CPNE4: variants seen among roughly 807,000 people sequenced by gnomAD.
CPNE4 encodes the protein copine 4, also known as copine-4.
A neutral mutation model predicts 67.9 loss-of-function variants in CPNE4; 25 were observed. The observed-to-expected ratio is 0.37, with a 90% CI of 0.27 to 0.51. The LOEUF is 0.51. CPNE4 is among the 20% of genes least tolerant of loss of function. The pLI, the probability that CPNE4 is intolerant of heterozygous loss-of-function variation, is 0.93. For missense variants in CPNE4, 464 were observed against 690.8 expected (o/e 0.67, Z 3.68); for synonymous variants, 242 against 244.9 (o/e 0.99, Z 0.11).
chr3:131,678,935 T>C (rs1170538978), intron 6 of CPNE4, among the ~76,000 whole-genome samples: 1 of 152,204 alleles, frequency 6.6e-6, no homozygotes, highest in African/African-American at 2.4e-5. Context: ...ATCAGGATGA[T>C]GCTGGCCCCA....
intron 1 of CPNE4, among the ~76,000 whole-genome samples, chr3:131,952,336 C>T (rs551691786): frequency 2.6e-5 from 4 of 150,946 alleles, no homozygotes; most frequent in African/African-American, 2.4e-5. Flanking sequence ...GCAACCACCC[C>T]GTCTGAGAAG....
intron 6 of CPNE4, among the ~76,000 whole-genome samples, chr3:131,675,959 GT>G (rs77543552): frequency 1.4e-5 from 2 of 147,370 alleles, no homozygotes; most frequent in Admixed American, 6.8e-5. Context: ...AATTTATTGG[GT>G]TTTTTTTGGT....
intron 2 of CPNE4, among the ~76,000 whole-genome samples, chr3:131,875,492 T>TA (rs1271274838): frequency 6.6e-6 from 1 of 152,116 alleles, no homozygotes; most frequent in Non-Finnish European, 1.5e-5. Flanking sequence ...CATGGAATAC[T>TA]ATGCAGCCAT....
chr3:131,653,445 G>A (rs1238730374), intron 7 of CPNE4, among the ~76,000 whole-genome samples: 1 of 152,050 alleles, frequency 6.6e-6, no homozygotes, highest in African/African-American at 2.4e-5. Flanking sequence ...ACCGCGCCTG[G>A]CCACTGATAC....
In CPNE4 at chr3:131,990,286, T is replaced by C. The variant is rs369369698; in HGVS notation, c.-2+44281A>G. Among the ~76,000 whole-genome samples the C allele has an allele frequency of 6.6e-5, 9 of 136,660 alleles. 3 individuals carry two copies. In the East Asian group the frequency reaches 2.1e-3, roughly 32 times the overall value. 89.7% of individuals were successfully genotyped at this position (136,660 alleles called of 152,430 possible). On this transcript the variant is annotated intron_variant, in intron 1 of 15. Coordinates refer to ENST00000429747, the MANE Select transcript of CPNE4 (RefSeq NM_130808.3). ...ATTTTCACTATCTAAATTATGATTG[T>C]GCAGGCTATAGGTTATTTTACTAAA...
intron 1 of CPNE4, among the ~76,000 whole-genome samples, chr3:131,958,143 T>G (rs1179787043): frequency 1.3e-5 from 2 of 152,228 alleles, no homozygotes; most frequent in African/African-American, 4.8e-5. Flanking sequence ...TTTACAGAGT[T>G]ACTTCTACAT....
At chr3:131,708,297 A>G (rs1387389517) in intron 3 of CPNE4, among the ~76,000 whole-genome samples, 1 of 152,142 alleles carries the variant, frequency 6.6e-6, no homozygotes, top group African/African-American at 2.4e-5. Context: ...AGGAAGGGGA[A>G]GATGGCAAGG....
At chr3:131,555,965 A>T (rs957321502) in intron 11 of CPNE4, among the ~76,000 whole-genome samples, 3 of 152,230 alleles carry the variant, frequency 2.0e-5, no homozygotes, top group African/African-American at 4.8e-5. Flanking sequence ...AGAGATAGTT[A>T]TTCCCCTTCT....
chr3:131,736,760 G>A (rs999360596), intron 2 of CPNE4, among the ~76,000 whole-genome samples: 2 of 152,078 alleles, frequency 1.3e-5, no homozygotes, highest in Non-Finnish European at 2.9e-5. Flanking sequence ...AATAGGTTGA[G>A]TACTAGAATG....
chr3:131,796,552 A>AT (rs1265784591), intron 2 of CPNE4, among the ~76,000 whole-genome samples: 3 of 152,080 alleles, frequency 2.0e-5, no homozygotes, highest in African/African-American at 7.2e-5. Context: ...AAATAAATAC[A>AT]TTTTTTCTAA....
intron 10 of CPNE4, among the ~76,000 whole-genome samples, chr3:131,571,834 T>G (rs1937353206): frequency 6.6e-6 from 1 of 152,008 alleles, no homozygotes; most frequent in Non-Finnish European, 1.5e-5. Flanking sequence ...TTCAAAGCCC[T>G]TCAAGTTCTG....
intron 2 of CPNE4, among the ~76,000 whole-genome samples, chr3:131,778,288 G>A (rs1170874302): frequency 6.6e-6 from 1 of 152,046 alleles, no homozygotes; most frequent in Non-Finnish European, 1.5e-5. Flanking sequence ...GGGTACCACT[G>A]CCCCTCCTCC....
At position 131,747,350 on chromosome 3, in the gene CPNE4, C is replaced by G. The variant is rs1583131365; in HGVS notation, c.181-23725G>C. 3.3e-5 allele frequency among the ~76,000 whole-genome samples: 5 copies of G among 151,958 alleles called. No homozygotes were observed. The South Asian group carries it at 1.0e-3, about 31-fold the overall frequency. On this transcript the variant is annotated intron_variant, in intron 2 of 15. Coordinates refer to ENST00000429747, the MANE Select transcript of CPNE4 (RefSeq NM_130808.3). Reference sequence around the variant, plus strand: ...TTGAGGTTTTATTCAAAAATTCTTTCCTATACTGATGCAATGGAGTTTTTC... The same window carrying G: ...TTGAGGTTTTATTCAAAAATTCTTTGCTATACTGATGCAATGGAGTTTTTC...
intron 3 of CPNE4, among the ~76,000 whole-genome samples, chr3:131,717,187 T>C (rs747670587): frequency 6.6e-6 from 1 of 151,428 alleles, no homozygotes; most frequent in Admixed American, 6.6e-5. Flanking sequence ...AAGCTTTTAG[T>C]ACAAATGCAT....
intron 2 of CPNE4, among the ~76,000 whole-genome samples, chr3:131,891,816 T>C (rs566210704): frequency 6.6e-6 from 1 of 152,228 alleles, no homozygotes; most frequent in South Asian, 2.1e-4. Flanking sequence ...CTTTATCCAG[T>C]CTATCATCAA....
chr3:131,890,502 T>A (rs576375690), intron 2 of CPNE4, among the ~76,000 whole-genome samples: 2 of 151,550 alleles, frequency 1.3e-5, no homozygotes, highest in African/African-American at 2.4e-5. Flanking sequence ...GGTGGGAATA[T>A]AAAACGCTGC....
intron 7 of CPNE4, among the ~76,000 whole-genome samples, chr3:131,621,580 AT>A (rs1940468661): frequency 6.6e-6 from 1 of 152,104 alleles, no homozygotes; most frequent in African/African-American, 2.4e-5. Flanking sequence ...CATGTCAGAT[AT>A]CCTCTAGGCC....
At position 131,828,266 on chromosome 3, in the gene CPNE4, C is replaced by T. The variant is rs147023508; in HGVS notation, c.180+76998G>A. 6.5e-3 allele frequency among the ~76,000 whole-genome samples: 991 copies of T among 152,208 alleles called. 10 individuals are homozygous for T. Among genetic ancestry groups the T allele is most frequent in the African/African-American group, 0.022 (910 of 41,540 alleles). ...ATGAGTTTTGGCAAATGTATATACT[C>T]ATCTAATCAATACTATAATCAAGAT... On this transcript the variant is annotated intron_variant, in intron 2 of 15. Coordinates refer to ENST00000429747, the MANE Select transcript of CPNE4 (RefSeq NM_130808.3).
At chr3:131,727,227 A>G (rs2082021221) in intron 2 of CPNE4, among the ~76,000 whole-genome samples, 1 of 152,228 alleles carries the variant, frequency 6.6e-6, no homozygotes, top group Admixed American at 6.5e-5. Context: ...GAAAGGAAAA[A>G]GGCAGCTAGA....
Sources: allele counts gnomAD v4.1 joint callset (sites outside exome capture counted in the v4.1 genomes callset), GRCh38; gene constraint gnomAD v4.1.1; transcripts MANE v1.5; gene names NCBI Gene and HGNC (gene_info 2026-07-23, HGNC 2026-07-21).